Variants in AFF3 observed in about 807,000 individuals in gnomAD.
AFF3 encodes the protein AF4/FMR2 family member 3.
In AFF3, 32 loss-of-function variants were observed where a neutral mutation model predicts 129.7. That is an observed-to-expected ratio of 0.25 (90% CI 0.19 to 0.33). The LOEUF is 0.33. Ranked by LOEUF, AFF3 falls within the 10% of genes least tolerant of loss-of-function variation. The pLI is 1.00. For missense variants in AFF3, 1,373 were observed against 1,592.0 expected (o/e 0.86, Z 2.34); for synonymous variants, 644 against 635.4 (o/e 1.01, Z -0.20).
At chr2:99,571,332 T>G (rs1676459891) in intron 18 of AFF3, among the ~76,000 whole-genome samples, 1 of 152,206 alleles carries the variant, frequency 6.6e-6, no homozygotes, top group Non-Finnish European at 1.5e-5. Flanking sequence ...AACAGTTCAC[T>G]ACTTCAAATG....
intron 11 of AFF3, among the ~76,000 whole-genome samples, chr2:99,694,915 G>C (rs917172943): frequency 7.9e-5 from 12 of 151,972 alleles, no homozygotes; most frequent in Non-Finnish European, 1.8e-4. Context: ...ATGTTCGTCG[G>C]GCTAGTCTCA....
At chr2:99,594,369 G>C in intron 14 of AFF3, 80 bp from the exon 15 acceptor site, 1 of 1,515,892 alleles carries the variant, frequency 6.6e-7, no homozygotes, top group Non-Finnish European at 8.9e-7. Context: ...TTTTTATCTT[G>C]ACTTACTTCT....
intron 8 of AFF3, among the ~76,000 whole-genome samples, chr2:99,789,868 ATCT>A (rs1350984611): frequency 6.6e-6 from 1 of 152,230 alleles, no homozygotes; most frequent in Non-Finnish European, 1.5e-5. Context: ...CTACAAAATG[ATCT>A]TCTTTGCATT....
In AFF3 at chr2:99,590,383, T is replaced by C. The variant is rs563580273; in HGVS notation, c.2466+2812A>G. ...AAAGCTCCATATGCCCCTGCACATG[T>C]ACCATCAATTTGCAGCATCACAAAT... On this transcript the variant is annotated intron_variant, in intron 15 of 24. Coordinates refer to ENST00000672756, the MANE Select transcript of AFF3 (RefSeq NM_001386135.1). 3.4e-4 allele frequency among the ~76,000 whole-genome samples: 52 copies of C among 152,324 alleles called. No individual in the cohort carries two copies. In the South Asian group the frequency reaches 8.3e-3, roughly 24 times the overall value.
intron 7 of AFF3, among the ~76,000 whole-genome samples, chr2:99,932,523 A>G (rs1674121086): frequency 6.6e-6 from 1 of 152,148 alleles, no homozygotes; most frequent in Admixed American, 6.5e-5. Flanking sequence ...CCTTCCCCAC[A>G]CTACATCGAC....
chr2:99,653,174 C>T (rs1180637692), intron 12 of AFF3, among the ~76,000 whole-genome samples: 1 of 152,224 alleles, frequency 6.6e-6, no homozygotes, highest in Non-Finnish European at 1.5e-5. Context: ...ATTTAACTCC[C>T]TACTCCTGAC....
chr2:99,600,253 T>C (rs1679690766), intron 14 of AFF3, among the ~76,000 whole-genome samples: 1 of 152,196 alleles, frequency 6.6e-6, no homozygotes, highest in African/African-American at 2.4e-5. Flanking sequence ...TGGAGAGTCC[T>C]GAGCCAGGGC....
rs1674070764 is a variant in AFF3, at chr2:99,546,255, G to A, written c.*5219C>T. ...GAGAACGTTCTTGAAAGACTGCTGGGTGTTTCTTAGCACAAACCACCTCTG... is the reference window on the plus strand; with the variant it reads ...GAGAACGTTCTTGAAAGACTGCTGGATGTTTCTTAGCACAAACCACCTCTG... On this transcript the variant is annotated 3_prime_UTR_variant, in exon 25 of 25. Coordinates refer to ENST00000672756, the MANE Select transcript of AFF3 (RefSeq NM_001386135.1). The A allele has an allele frequency of 4.3e-6, 1 of 232,494 alleles. No individual in the cohort carries two copies. Among genetic ancestry groups the A allele is most frequent in the Non-Finnish European group, 8.5e-6 (1 of 117,626 alleles). 14.4% of individuals were successfully genotyped at this position (232,494 alleles called of 1,614,324 possible). A position where few individuals can be genotyped will look rare whatever the true frequency, so the allele number is the denominator to read the frequency against.
intron 7 of AFF3, among the ~76,000 whole-genome samples, chr2:99,901,902 C>T (rs920831615): frequency 6.6e-6 from 1 of 151,554 alleles, no homozygotes; most frequent in Non-Finnish European, 1.5e-5. Context: ...CATTTCATGA[C>T]CGGTCCCACA....
chr2:99,746,724 C>T (rs975416319), intron 9 of AFF3, among the ~76,000 whole-genome samples: 12 of 152,058 alleles, frequency 7.9e-5, no homozygotes, highest in African/African-American at 2.9e-4. Flanking sequence ...AATTAAATCC[C>T]CCATGTAGAT....
At position 99,593,740 on chromosome 2, in the gene AFF3, G is replaced by C. The variant is rs942109412; in HGVS notation, c.1921C>G (p.Leu641Val). ...TTCTCGCAGGTCACGGAGGAGCGCA[G>C]CTCCTTGCGGTGGCTCGCTCTGTTG... ...GNNRASHRKE[L>V]RSSVTCEKRR... The change falls in exon 15 of 25, where the codon CTG (leucine) becomes GTG (valine). Residue 641 changes from leucine to valine, a missense_variant. This residue lies in a region of AFF3 where 466 missense variants were observed against 505.0 expected (regional missense o/e 0.92). Coordinates refer to ENST00000672756, the MANE Select transcript of AFF3 (RefSeq NM_001386135.1). 29 of 1,612,850 alleles carry C rather than the reference G, an allele frequency of 1.8e-5. No individual in the cohort carries two copies. Among genetic ancestry groups the C allele is most frequent in the Non-Finnish European group, 2.3e-5 (27 of 1,179,900 alleles).
chr2:99,991,793 C>T (rs1680364779), intron 7 of AFF3, among the ~76,000 whole-genome samples: 2 of 152,024 alleles, frequency 1.3e-5, no homozygotes, highest in South Asian at 4.1e-4. Flanking sequence ...ACCCTCGCTA[C>T]TCAGGAGGCT....
intron 7 of AFF3, among the ~76,000 whole-genome samples, chr2:99,980,769 G>C (rs1197290613): frequency 6.6e-6 from 1 of 152,168 alleles, no homozygotes; most frequent in Non-Finnish European, 1.5e-5. Flanking sequence ...TTAAGTCACA[G>C]AGTTATTTTT....
intron 7 of AFF3, among the ~76,000 whole-genome samples, chr2:99,914,711 T>C (rs918817916): frequency 1.3e-5 from 2 of 151,680 alleles, no homozygotes; most frequent in African/African-American, 2.4e-5. Flanking sequence ...GTCGGGAGTT[T>C]GAAACCAGCC....
intron 7 of AFF3, among the ~76,000 whole-genome samples, chr2:99,927,622 A>G (rs899802123): frequency 3.3e-5 from 5 of 152,160 alleles, no homozygotes; most frequent in African/African-American, 9.7e-5. Context: ...AAAAATAACT[A>G]ATGATTACTA....
chr2:100,011,227 T>C (rs960881796), intron 4 of AFF3, among the ~76,000 whole-genome samples: 6 of 152,158 alleles, frequency 3.9e-5, no homozygotes, highest in South Asian at 2.1e-4. Flanking sequence ...TGAGCCGAGA[T>C]TGCGCCACTG....
chr2:99,635,540 G>A (rs1558676667), intron 13 of AFF3, among the ~76,000 whole-genome samples: 1 of 152,074 alleles, frequency 6.6e-6, no homozygotes, highest in African/African-American at 2.4e-5. Flanking sequence ...AGACTCAAGC[G>A]ATCCTCCCAC....
chr2:99,661,565 G>A (rs576876059), intron 12 of AFF3, among the ~76,000 whole-genome samples: 3 of 152,130 alleles, frequency 2.0e-5, no homozygotes, highest in African/African-American at 7.2e-5. Flanking sequence ...AGGCTGGTTG[G>A]ACACAACTAA....
chr2:99,619,197 A>C (rs188941554), intron 13 of AFF3, among the ~76,000 whole-genome samples: 1 of 152,324 alleles, frequency 6.6e-6, no homozygotes, highest in Admixed American at 6.5e-5. Context: ...GAACAAACCA[A>C]TTCCATTTCT....
Sources: allele counts gnomAD v4.1 joint callset (sites outside exome capture counted in the v4.1 genomes callset), GRCh38; gene constraint gnomAD v4.1.1; regional missense constraint gnomAD v4.1.1; transcripts MANE v1.5; gene names NCBI Gene and HGNC (gene_info 2026-07-23, HGNC 2026-07-21).